The following STPG1 variants were observed in gnomAD, a reference collection of about 807,000 sequenced individuals.
The protein encoded by STPG1 is sperm tail PG-rich repeat containing 1, also known as O(6)-methylguanine-induced apoptosis 2.
Under a neutral mutation model 40.1 loss-of-function variants are expected in STPG1, and 33 were observed. The observed-to-expected ratio is 0.82, with a 90% CI of 0.62 to 1.10. STPG1 has a LOEUF of 1.10. Ranked by LOEUF, STPG1 falls within the 50% of genes least tolerant of loss-of-function variation. The pLI, the probability that STPG1 is intolerant of heterozygous loss-of-function variation, is 0.00. For synonymous variants in STPG1, 150 were observed against 155.0 expected (o/e 0.97, Z 0.24); for missense variants, 396 against 415.1 (o/e 0.95, Z 0.40).
chr1:24,358,433 C>T lies in STPG1; in HGVS notation c.*110G>A, dbSNP rs555761350. Reference sequence around the variant, plus strand: ...AGGCCAGAGTGGTAGAGCCACCCCCCAAGTTGTCAGCTGCCACACTCATGA... The same window carrying T: ...AGGCCAGAGTGGTAGAGCCACCCCCTAAGTTGTCAGCTGCCACACTCATGA... On this transcript the variant is annotated 3_prime_UTR_variant, in exon 9 of 9. Coordinates refer to ENST00000337248, the MANE Select transcript of STPG1 (RefSeq NM_001199013.2). 1.1e-6 allele frequency: 1 copy of T among 929,690 alleles called. No individual in the cohort carries two copies. Among genetic ancestry groups the T allele is most frequent in the Admixed American group, 1.7e-5 (1 of 58,000 alleles). 57.6% of individuals were successfully genotyped at this position (929,690 alleles called of 1,614,324 possible).
In STPG1 at chr1:24,364,404, C is replaced by T. The variant is rs74060321; in HGVS notation, c.738-3363G>A. 50,878 of 1,506,808 alleles carry T rather than the reference C, an allele frequency of 0.034. 1,844 individuals carry two copies. Among genetic ancestry groups the T allele is most frequent in the African/African-American group, 0.16 (11,386 of 72,130 alleles). The allele number at this position is 1,506,808 out of a possible 1,614,324, so 93.3% of individuals were successfully genotyped here. A position where few individuals can be genotyped will look rare whatever the true frequency, so the allele number is the denominator to read the frequency against. ...ACCTGGAGGAGAGGTGGAAGGACGA[C>T]GGCAGGTCACATCTGAGAGCTCTCA... On this transcript the variant is annotated intron_variant, in intron 7 of 8. Coordinates refer to ENST00000337248, the MANE Select transcript of STPG1 (RefSeq NM_001199013.2).
At chr1:24,380,848 G>C (rs2148696302) in intron 4 of STPG1, among the ~76,000 whole-genome samples, 1 of 152,298 alleles carries the variant, frequency 6.6e-6, no homozygotes, top group Admixed American at 6.5e-5. Context: ...ACGCTGATCT[G>C]TTCCTTGAGT....
At chr1:24,388,812 C>T (rs1035132343) in intron 3 of STPG1, among the ~76,000 whole-genome samples, 5 of 152,112 alleles carry the variant, frequency 3.3e-5, no homozygotes, top group African/African-American at 4.8e-5. Flanking sequence ...AAAATGAGAA[C>T]GAACATAGAA....
intron 1 of STPG1, among the ~76,000 whole-genome samples, chr1:24,406,674 C>T (rs1643427144): frequency 6.6e-6 from 1 of 151,890 alleles, no homozygotes; most frequent in South Asian, 2.1e-4. Flanking sequence ...CTCTTCCTAC[C>T]TCTCCCAAGA....
At chr1:24,369,563 G>A in intron 7 of STPG1, 111 bp downstream of exon 7, 2 of 1,189,050 alleles carry the variant, frequency 1.7e-6, no homozygotes, top group Non-Finnish European at 1.2e-6. Flanking sequence ...CCTGAAGAGA[G>A]TGGCCCGGCA....
chr1:24,365,172 G>C (rs1244724770), intron 7 of STPG1, among the ~76,000 whole-genome samples: 1 of 152,188 alleles, frequency 6.6e-6, no homozygotes, highest in Non-Finnish European at 1.5e-5. Flanking sequence ...AAGTTAGGGT[G>C]GGTCCAATCT....
intron 2 of STPG1, among the ~76,000 whole-genome samples, chr1:24,395,732 T>C (rs1642973211): frequency 6.6e-6 from 1 of 152,154 alleles, no homozygotes; most frequent in Non-Finnish European, 1.5e-5. Context: ...AAACCCAGCC[T>C]TGAATAATTT....
intron 7 of STPG1, chr1:24,364,235 G>C: frequency 3.9e-6 from 6 of 1,547,704 alleles, no homozygotes; most frequent in Non-Finnish European, 5.2e-6. Context: ...CCACCTGACT[G>C]TCTTGAATGT....
intron 4 of STPG1, among the ~76,000 whole-genome samples, chr1:24,383,456 G>T (rs1157104493): frequency 1.3e-5 from 2 of 152,162 alleles, no homozygotes; most frequent in East Asian, 3.8e-4. Flanking sequence ...AAGGAAAGGG[G>T]TGGGGCCAGT....
At position 24,397,451 on chromosome 1, in the gene STPG1, C is replaced by T. The variant is rs987120559; in HGVS notation, c.70+3868G>A. Among the ~76,000 whole-genome samples the T allele has an allele frequency of 2.6e-5, 4 of 152,102 alleles. No homozygotes were observed. In the South Asian group the frequency reaches 8.3e-4, roughly 32 times the overall value. On this transcript the variant is annotated intron_variant, in intron 2 of 8. Transcript: ENST00000337248. ...AGGCAACCACTACCTGATACCAAAACTATATGGCATCATTACAAGAGGGAA... is the reference window on the plus strand; with the variant it reads ...AGGCAACCACTACCTGATACCAAAATTATATGGCATCATTACAAGAGGGAA...
At chr1:24,389,806 G>T (rs1283054653) in intron 3 of STPG1, among the ~76,000 whole-genome samples, 8 of 152,176 alleles carry the variant, frequency 5.3e-5, no homozygotes, top group Non-Finnish European at 1.0e-4. Context: ...AGAGAAACTA[G>T]GGAGAGAAGA....
intron 7 of STPG1, chr1:24,364,604 G>C (rs1641335528): frequency 4.8e-6 from 3 of 619,522 alleles, no homozygotes; most frequent in East Asian, 7.5e-5. Context: ...GAAAAGCAGA[G>C]GGCTGGCAGC....
At chr1:24,393,125 G>T (rs1642850853) in intron 2 of STPG1, among the ~76,000 whole-genome samples, 1 of 152,188 alleles carries the variant, frequency 6.6e-6, no homozygotes. Flanking sequence ...AACAGGTAGG[G>T]TGTGAACATG....
At chr1:24,370,906 C>T (rs1641709194) in intron 6 of STPG1, among the ~76,000 whole-genome samples, 1 of 152,040 alleles carries the variant, frequency 6.6e-6, no homozygotes, top group African/African-American at 2.4e-5. Context: ...CAGGTGTGAG[C>T]CATCATGCCC....
At chr1:24,361,152 G>C (rs1641086768) in intron 7 of STPG1, 111 bp from the exon 8 acceptor site, 2 of 1,044,146 alleles carry the variant, frequency 1.9e-6, no homozygotes, top group African/African-American at 1.6e-5. Flanking sequence ...GAAGAGGACT[G>C]GTCACGGCAC....
At chr1:24,379,435 G>A in intron 5 of STPG1, 1 of 555,300 alleles carries the variant, frequency 1.8e-6, no homozygotes, top group Non-Finnish European at 3.2e-6. Context: ...CCTCCCCACA[G>A]CTTGATACTG....
Position 24,373,721 on chromosome 1 carries a change from A to T in STPG1, c.552T>A (p.Ala184=), listed in dbSNP as rs1641862294. 6.2e-7 allele frequency: 1 copy of T among 1,611,176 alleles called. No homozygotes were observed. Among genetic ancestry groups the T allele is most frequent in the African/African-American group, 1.3e-5 (1 of 74,894 alleles). The change falls in exon 6 of 9, where the codon GCT becomes GCA. Residue 184 remains alanine, a synonymous_variant. Transcript: ENST00000337248. ...GCTTACCTGGGGGAGGTCCTTTATC[A>T]GCAAAAGCGAAAGATCCTCTTTGGG... ...SKTQRGSFAF[A]DKGPPPGHYD...
chr1:24,364,130 A>T, intron 7 of STPG1: 1 of 1,469,034 alleles, frequency 6.8e-7, no homozygotes, highest in Non-Finnish European at 9.0e-7. Context: ...TGTGAGAAAC[A>T]CCAACTTTCC....
At chr1:24,383,173 G>A (rs1296506125) in intron 4 of STPG1, among the ~76,000 whole-genome samples, 3 of 152,044 alleles carry the variant, frequency 2.0e-5, no homozygotes, top group Non-Finnish European at 2.9e-5. Context: ...TTGGCCTTCC[G>A]AAATGCTGGC....
Sources: gnomAD v4.1 joint callset for allele counts (sites outside exome capture counted in the v4.1 genomes callset) on GRCh38, gnomAD v4.1.1 for gene constraint, MANE v1.5 for transcripts, NCBI Gene and HGNC (gene_info 2026-07-23, HGNC 2026-07-21) for gene names.